CRISP3: variants seen among roughly 807,000 people sequenced by gnomAD.
CRISP3 encodes cysteine-rich secretory protein 3.
In CRISP3, 33 loss-of-function variants were observed where a neutral mutation model predicts 36.1. The ratio of observed to expected loss-of-function variants is 0.91; its 90% CI spans 0.69 to 1.22. The LOEUF (loss-of-function observed/expected upper bound fraction) is 1.22, where lower values mean the gene tolerates loss of function less well. Among genes scored for constraint, CRISP3 ranks in the 50% most tolerant of loss-of-function variants. The probability of loss-of-function intolerance (pLI) is 0.00; values close to 1 mark genes in which losing one functional copy is unlikely to be tolerated. For synonymous variants in CRISP3, 117 were observed against 104.6 expected, an observed-to-expected ratio of 1.12 and a Z score of -0.72; for missense variants, 330 against 301.2, an observed-to-expected ratio of 1.10 and a Z score of -0.71.
At chr6:49,733,361 G>A (rs1768962837) in intron 5 of CRISP3, 69 bp from the exon 6 acceptor site, 1 of 1,039,012 alleles carries the variant, frequency 9.6e-7, no homozygotes, top group Non-Finnish European at 1.4e-6. Context: ...ACAAATAGTA[G>A]GAAATACAAA....
chr6:49,742,597 A>G (rs1242392770), intron 1 of CRISP3, among the ~76,000 whole-genome samples: 6 of 143,328 alleles, frequency 4.2e-5, no homozygotes, highest in Non-Finnish European at 7.5e-5. Flanking sequence ...GTGCCACTGC[A>G]CTCCAGCCTG....
Position 49,728,814 on chromosome 6 carries a change from A to C in CRISP3, c.693T>G (p.Ser231Arg). 2.5e-6 allele frequency: 4 copies of C among 1,612,818 alleles called. No individual in the cohort carries two copies. Among genetic ancestry groups the C allele is most frequent in the Non-Finnish European group, 3.4e-6 (4 of 1,179,300 alleles). Residue 231 changes from serine (S) to arginine (R), a missense_variant, in exon 8 of 8, where the codon AGT (serine) becomes AGG (arginine). By Grantham distance (110) the Ser-to-Arg change is moderately radical (BLOSUM62 -1). Transcript: ENST00000263045. ...GTTTACAGGTTAATGTGAGCTTCAA[A>C]CTTTTACAGTTACTATAGAGATCTT... The part of the protein sequence containing the change: ...KYEDLYSNCK[S>R]LKLTLTCKHQ...
At chr6:49,738,318 T>C (rs1050398821) in intron 1 of CRISP3, among the ~76,000 whole-genome samples, 1 of 152,246 alleles carries the variant, frequency 6.6e-6, no homozygotes, top group African/African-American at 2.4e-5. Flanking sequence ...GGAGATATAA[T>C]GTCTAAGTAA....
chr6:49,736,539 A>G, intron 2 of CRISP3, 32 bp from the exon 3 acceptor site: 1 of 1,461,290 alleles, frequency 6.8e-7, no homozygotes, highest in Non-Finnish European at 9.6e-7. Flanking sequence ...ATTATCTTTT[A>G]ACATTGTTGG....
intron 4 of CRISP3, 35 bp from the exon 5 acceptor site, chr6:49,733,883 TA>T: frequency 6.2e-7 from 1 of 1,601,044 alleles, no homozygotes; most frequent in Non-Finnish European, 8.5e-7. Context: ...AGGAAAGCAA[TA>T]AAGCATGCAA....
Position 49,731,271 on chromosome 6 carries a change from T to A in CRISP3, c.561-20A>T, listed in dbSNP as rs1210645782. 1.3e-6 allele frequency: 2 copies of A among 1,518,978 alleles called. No homozygotes were observed. The highest frequency in any genetic ancestry group is 1.8e-6 in the Non-Finnish European group (2 of 1,106,004). The allele number at this position is 1,518,978 out of a possible 1,614,324, so 94.1% of individuals were successfully genotyped here. On this transcript the variant is annotated intron_variant, in intron 6 of 7. Transcript: ENST00000263045. ...TTACCACTGAAATTTGAAATAAAAA[T>A]GTCAAATATTTTTCATTTTTATGTT... is the stretch of plus-strand genomic sequence containing the variant.
rs553628372 is a variant in CRISP3, at chr6:49,740,896, T to G, written c.37+3435A>C. Among the ~76,000 whole-genome samples, 5 of 151,708 alleles carry G rather than the reference T, an allele frequency of 3.3e-5. No individual in the cohort carries two copies. In the South Asian group the frequency reaches 1.0e-3, roughly 32 times the overall value. On this transcript the variant is annotated intron_variant, in intron 1 of 7. Transcript: ENST00000263045. Reference sequence around the variant, plus strand: ...GTGAGCAGATCACGAGGTCAAGAGATCGAGACCATCCTGGCTAGCACGGTG... The same window carrying G: ...GTGAGCAGATCACGAGGTCAAGAGAGCGAGACCATCCTGGCTAGCACGGTG...
chr6:49,737,762 T>A (rs1769096963), intron 1 of CRISP3, among the ~76,000 whole-genome samples: 2 of 152,228 alleles, frequency 1.3e-5, no homozygotes, highest in African/African-American at 4.8e-5. Context: ...AGCTTCCAAC[T>A]GTGTTTATTA....
In CRISP3 at chr6:49,736,854, TC is replaced by T. The variant is rs150893498; in HGVS notation, c.112-348del. The stretch of plus-strand genomic sequence containing the variant: ...ATAGTAATTATTAAGACATTCACAC[TC>T]AGGCTGCAGCAAAGAAGTTGTAAAG... On this transcript the variant is annotated intron_variant, in intron 2 of 7. Coordinates refer to ENST00000263045, the MANE Select transcript of CRISP3 (RefSeq NM_006061.4). Among the ~76,000 whole-genome samples, 1,046 of 152,156 alleles carry T rather than the reference TC, an allele frequency of 6.9e-3. 10 individuals carry two copies. Among genetic ancestry groups the T allele is most frequent in the African/African-American group, 0.021 (873 of 41,534 alleles).
Position 49,737,623 on chromosome 6 carries a change from T to G in CRISP3, c.38-225A>C, listed in dbSNP as rs75728444. Among the ~76,000 whole-genome samples the G allele has an allele frequency of 6.9e-3, 1,045 of 152,264 alleles. 10 individuals carry two copies. Among genetic ancestry groups the G allele is most frequent in the African/African-American group, 0.021 (872 of 41,562 alleles). On this transcript the variant is annotated intron_variant, in intron 1 of 7. Coordinates refer to ENST00000263045, the MANE Select transcript of CRISP3 (RefSeq NM_006061.4). ...TAAAGAACAAACCAAAATTCCCGAC[T>G]GAAGCCCTTGAAGCATGCCTATAAA...
At chr6:49,736,363 C>T in intron 3 of CRISP3, 28 bp downstream of exon 3, 1 of 1,448,810 alleles carries the variant, frequency 6.9e-7, no homozygotes, top group Non-Finnish European at 9.7e-7. Context: ...TTGTTCACAC[C>T]CCTCTCCTTT....
chr6:49,732,831 T>C (rs1036930999), intron 6 of CRISP3, among the ~76,000 whole-genome samples: 1 of 152,180 alleles, frequency 6.6e-6, no homozygotes, highest in Non-Finnish European at 1.5e-5. Context: ...ACTTTATCCC[T>C]GGACTAATTA....
chr6:49,728,586 C>A lies in CRISP3; in HGVS notation c.*144G>T. On this transcript the variant is annotated 3_prime_UTR_variant, in exon 8 of 8. Coordinates refer to ENST00000263045, the MANE Select transcript of CRISP3 (RefSeq NM_006061.4). Reference sequence around the variant, plus strand: ...ATTTTTGTAAAATAAAAAGCAGATCCAGAAGAAAAACATTTGAAATCAAAT... The same window carrying A: ...ATTTTTGTAAAATAAAAAGCAGATCAAGAAGAAAAACATTTGAAATCAAAT... The A allele has an allele frequency of 1.5e-6, 1 of 646,412 alleles. No individual in the cohort carries two copies. The highest frequency in any genetic ancestry group is 3.3e-5 in the Admixed American group (1 of 30,582). 40.0% of individuals were successfully genotyped at this position (646,412 alleles called of 1,614,324 possible).
Position 49,733,852 on chromosome 6 carries a change from A to C in CRISP3, c.317-4T>G, listed in dbSNP as rs1166097066. 1 of 1,612,948 alleles carries C rather than the reference A, an allele frequency of 6.2e-7. No homozygotes were observed. Among genetic ancestry groups the C allele is most frequent in the South Asian group, 1.1e-5 (1 of 90,954 alleles). Reference sequence around the variant, plus strand: ...AGATTCTCACCACATTTTAGACCTAAGAAGGAACAGACCACTCATGAGGAA... The same window carrying C: ...AGATTCTCACCACATTTTAGACCTACGAAGGAACAGACCACTCATGAGGAA... On this transcript the variant is annotated splice_region_variant and splice_polypyrimidine_tract_variant and intron_variant, in intron 4 of 7. Coordinates refer to ENST00000263045, the MANE Select transcript of CRISP3 (RefSeq NM_006061.4).
At chr6:49,735,658 A>G in intron 3 of CRISP3, 67 bp from the exon 4 acceptor site, 1 of 1,239,136 alleles carries the variant, frequency 8.1e-7, no homozygotes, top group Non-Finnish European at 1.2e-6. Flanking sequence ...TAAGCTTTAT[A>G]ATCAGGTTAT....
chr6:49,736,359 A>C, intron 3 of CRISP3, 32 bp downstream of exon 3: 12 of 1,420,104 alleles, frequency 8.5e-6, no homozygotes, highest in Non-Finnish European at 1.2e-5. Context: ...CAGCTTGTTC[A>C]CACCCCTCTC....
chr6:49,740,801 T>C (rs899553081), intron 1 of CRISP3, among the ~76,000 whole-genome samples: 1 of 152,058 alleles, frequency 6.6e-6, no homozygotes, highest in African/African-American at 2.4e-5. Context: ...CGAAGAACTG[T>C]AAGACCCATC....
At chr6:49,742,675 AAAAG>A (rs912886681) in intron 1 of CRISP3, among the ~76,000 whole-genome samples, 12 of 151,882 alleles carry the variant, frequency 7.9e-5, no homozygotes, top group Non-Finnish European at 1.6e-4. Flanking sequence ...AAAAAGAAAA[AAAAG>A]AAAGAATTAA....
chr6:49,740,946 A>G (rs1421321359), intron 1 of CRISP3, among the ~76,000 whole-genome samples: 1 of 151,726 alleles, frequency 6.6e-6, no homozygotes, highest in Non-Finnish European at 1.5e-5. Context: ...CTAAAAATAC[A>G]AAAAATTAGC....
Sources: gnomAD v4.1 joint callset for allele counts (sites outside exome capture counted in the v4.1 genomes callset) on GRCh38, gnomAD v4.1.1 for gene constraint, MANE v1.5 for transcripts, NCBI Gene and HGNC (gene_info 2026-07-23, HGNC 2026-07-21) for gene names.